Variants in WWP1 observed in about 807,000 individuals in gnomAD.
The protein encoded by WWP1 is NEDD4-like E3 ubiquitin-protein ligase WWP1.
Under a neutral mutation model 130.6 loss-of-function variants are expected in WWP1, and 49 were observed. The ratio of observed to expected loss-of-function variants is 0.38; its 90% confidence interval spans 0.30 to 0.48. WWP1 has a LOEUF of 0.48. Ranked by LOEUF, WWP1 falls within the 20% of genes least tolerant of loss-of-function variation. WWP1 has a pLI of 0.99. For synonymous variants in WWP1, 332 were observed against 367.8 expected, an observed-to-expected ratio of 0.90 and a Z score of 1.11; for missense variants, 809 against 1,100.6, an observed-to-expected ratio of 0.74 and a Z score of 3.75.
At chr8:86,353,469 C>T (rs541223700) in intron 1 of WWP1, among the ~76,000 whole-genome samples, 1 of 151,878 alleles carries the variant, frequency 6.6e-6, no homozygotes, top group Non-Finnish European at 1.5e-5. Context: ...GATTAGTTTG[C>T]ATTTCTTTTT....
At chr8:86,444,317 G>T (rs1810746810) in intron 18 of WWP1, among the ~76,000 whole-genome samples, 1 of 152,184 alleles carries the variant, frequency 6.6e-6, no homozygotes, top group African/African-American at 2.4e-5. Context: ...GAATATTTAG[G>T]TTTGGCTTGT....
chr8:86,396,008 T>C (rs533805276), intron 5 of WWP1, among the ~76,000 whole-genome samples: 3 of 152,302 alleles, frequency 2.0e-5, no homozygotes, highest in African/African-American at 7.2e-5. Flanking sequence ...CTTGAAATCA[T>C]GAGAGATGAC....
rs1808584258 is a variant in WWP1, at chr8:86,411,532, T to G, written c.725-6T>G. The G allele has an allele frequency of 6.2e-7, 1 of 1,603,838 alleles. No homozygotes were observed. Among genetic ancestry groups the G allele is most frequent in the African/African-American group, 1.3e-5 (1 of 74,690 alleles). ...ATAGATGATTTTATTAATTTTCCCT[T>G]CTCAGTTAATGGAGAATCATCCTCA... is the stretch of plus-strand genomic sequence containing the variant. On this transcript the variant is annotated splice_region_variant and splice_polypyrimidine_tract_variant and intron_variant, in intron 8 of 24. Transcript: ENST00000517970.
intron 1 of WWP1, among the ~76,000 whole-genome samples, chr8:86,361,585 A>T (rs1307509392): frequency 6.6e-6 from 1 of 152,090 alleles, no homozygotes; most frequent in African/African-American, 2.4e-5. Context: ...ACCCTTCCTA[A>T]CAGAACTACT....
intron 1 of WWP1, among the ~76,000 whole-genome samples, chr8:86,360,097 T>A (rs1176711524): frequency 6.6e-6 from 1 of 151,818 alleles, no homozygotes; most frequent in African/African-American, 2.4e-5. Context: ...TCTAAATATC[T>A]TTTACGCTTC....
At chr8:86,359,832 G>A (rs1348304028) in intron 1 of WWP1, among the ~76,000 whole-genome samples, 4 of 151,962 alleles carry the variant, frequency 2.6e-5, no homozygotes, top group African/African-American at 9.7e-5. Context: ...GGCGGATCAC[G>A]AGGTCAGGAG....
chr8:86,424,819 G>A (rs1248589674), intron 9 of WWP1, among the ~76,000 whole-genome samples: 3 of 123,626 alleles, frequency 2.4e-5, no homozygotes, highest in African/African-American at 9.5e-5. Flanking sequence ...GGGAGACTGT[G>A]GGGAGAGGGA....
intron 20 of WWP1, among the ~76,000 whole-genome samples, chr8:86,449,305 TAA>T (rs1811049577): frequency 6.6e-6 from 1 of 152,244 alleles, no homozygotes; most frequent in South Asian, 2.1e-4. Flanking sequence ...GCCAGCCAGG[TAA>T]GTCCAAACAT....
rs1286582323 is a variant in WWP1 at position 86,467,566 on chromosome 8, T to C, written c.*673T>C. Reference sequence around the variant, plus strand: ...GAAAGTCATATACTAGATCCAATACTATTTAGTTTATTATCGAAATTGGAA... The same window carrying C: ...GAAAGTCATATACTAGATCCAATACCATTTAGTTTATTATCGAAATTGGAA... On this transcript the variant is annotated 3_prime_UTR_variant, in exon 25 of 25. Coordinates refer to ENST00000517970, the MANE Select transcript of WWP1 (RefSeq NM_007013.4). 1 of 152,468 alleles carries C rather than the reference T, an allele frequency of 6.6e-6. No homozygotes were observed. 9.4% of individuals were successfully genotyped at this position (152,468 alleles called of 1,614,324 possible).
chr8:86,389,914 C>T (rs1235658658), intron 5 of WWP1, among the ~76,000 whole-genome samples: 5 of 150,862 alleles, frequency 3.3e-5, no homozygotes, highest in South Asian at 2.1e-4. Flanking sequence ...GGCTGCCGGG[C>T]GGAGACGCTC....
rs139908532 is a variant in WWP1, at chr8:86,415,888, T to C, written c.1061+4014T>C. Among the ~76,000 whole-genome samples the C allele has an allele frequency of 1.6e-3, 238 of 152,352 alleles. 2 individuals are homozygous for C. In the East Asian group the frequency reaches 0.025, roughly 16 times the overall value. ...GGAGATTTTATTTTGTCTATTTCTA[T>C]ATTCTTCGTGCTCAAAACTATGCCT... On this transcript the variant is annotated intron_variant, in intron 9 of 24. Transcript: ENST00000517970.
chr8:86,420,154 G>T (rs192609515), intron 9 of WWP1, among the ~76,000 whole-genome samples: 1 of 152,144 alleles, frequency 6.6e-6, no homozygotes, highest in African/African-American at 2.4e-5. Context: ...TGCTAGGAGA[G>T]GAGTGAAAGG....
intron 5 of WWP1, among the ~76,000 whole-genome samples, 153 bp downstream of exon 5, chr8:86,381,782 T>C (rs73271003): frequency 0.15 from 22,189 of 152,220 alleles, 4,397 homozygotes; most frequent in African/African-American, 0.45. Flanking sequence ...TTTTATGAAA[T>C]AGGAAATATT....
intron 5 of WWP1, among the ~76,000 whole-genome samples, chr8:86,388,899 C>A (rs916385428): frequency 1.3e-5 from 2 of 152,098 alleles, no homozygotes; most frequent in Non-Finnish European, 2.9e-5. Flanking sequence ...TGCTAACAGC[C>A]AGTAGACTTC....
chr8:86,433,713 G>A lies in WWP1; in HGVS notation c.1602-1739G>A, dbSNP rs375320511. ...AATCCCAGCAGTTTGGGAGGCCGAG[G>A]CGGGCAGATCACCTGAGGTCAGGAG... On this transcript the variant is annotated intron_variant, in intron 14 of 24. Transcript: ENST00000517970. 1.7e-4 allele frequency among the ~76,000 whole-genome samples: 26 copies of A among 152,300 alleles called. No homozygotes were observed. In the East Asian group the frequency reaches 4.3e-3, roughly 25 times the overall value.
chr8:86,456,320 G>A (rs1007537133), intron 21 of WWP1, among the ~76,000 whole-genome samples: 5 of 151,796 alleles, frequency 3.3e-5, no homozygotes, highest in African/African-American at 7.2e-5. Flanking sequence ...AAGTGAAAAA[G>A]CAACCTACAC....
chr8:86,449,884 T>C (rs1811082477), intron 20 of WWP1, among the ~76,000 whole-genome samples: 2 of 152,228 alleles, frequency 1.3e-5, no homozygotes, highest in Non-Finnish European at 2.9e-5. Context: ...AATAGCTAGG[T>C]ACATTGTGGT....
intron 8 of WWP1, among the ~76,000 whole-genome samples, chr8:86,410,522 G>A (rs191244099): frequency 3.9e-5 from 6 of 152,088 alleles, no homozygotes; most frequent in Non-Finnish European, 7.4e-5. Context: ...AAAATCATAT[G>A]CATTTGTTAA....
chr8:86,371,078 A>G (rs1215659315), intron 2 of WWP1, among the ~76,000 whole-genome samples: 4 of 141,168 alleles, frequency 2.8e-5, no homozygotes, highest in Admixed American at 7.2e-5. Flanking sequence ...AGGCTTCACC[A>G]TGTTGGCCAG....
Sources: allele counts gnomAD v4.1 joint callset (sites outside exome capture counted in the v4.1 genomes callset), GRCh38; gene constraint gnomAD v4.1.1; transcripts MANE v1.5; gene names NCBI Gene and HGNC (gene_info 2026-07-23, HGNC 2026-07-21).